The following ATRNL1 variants were observed in gnomAD, a reference collection of about 807,000 sequenced individuals.
ATRNL1 encodes the protein attractin like 1, also known as attractin-like protein 1.
Under a neutral mutation model 182.7 loss-of-function variants are expected in ATRNL1, and 95 were observed. That is an observed-to-expected ratio of 0.52 (90% confidence interval 0.44 to 0.62). The LOEUF is 0.62. Ranked by LOEUF, ATRNL1 falls within the 20% of genes least tolerant of loss-of-function variation. The pLI is 0.00. For missense variants in ATRNL1, 1,471 were observed against 1,679.5 expected, an observed-to-expected ratio of 0.88 and a Z score of 2.17; for synonymous variants, 576 against 568.3, an observed-to-expected ratio of 1.01 and a Z score of -0.19.
chr10:115,551,285 A>G (rs1438507352), intron 26 of ATRNL1, among the ~76,000 whole-genome samples: 1 of 151,692 alleles, frequency 6.6e-6, no homozygotes, highest in Non-Finnish European at 1.5e-5. Flanking sequence ...AATGCTGTTT[A>G]TTACATACTA....
At chr10:115,318,721 T>C (rs1418830053) in intron 18 of ATRNL1, among the ~76,000 whole-genome samples, 1 of 152,174 alleles carries the variant, frequency 6.6e-6, no homozygotes, top group East Asian at 1.9e-4. Flanking sequence ...TATATTTCTG[T>C]GGGGTCAGTG....
chr10:115,748,981 TAG>T (rs1454881536), intron 27 of ATRNL1, among the ~76,000 whole-genome samples: 5 of 151,952 alleles, frequency 3.3e-5, no homozygotes, highest in Non-Finnish European at 7.4e-5. Flanking sequence ...GACATTTTAC[TAG>T]AGTCTATGAT....
chr10:115,411,893 C>G (rs1310757430), intron 20 of ATRNL1, among the ~76,000 whole-genome samples: 4 of 152,066 alleles, frequency 2.6e-5, no homozygotes, highest in Admixed American at 2.0e-4. Context: ...AAAATTCTAT[C>G]TATAACAAAA....
At chr10:115,808,750 C>T (rs892703076) in intron 27 of ATRNL1, among the ~76,000 whole-genome samples, 1 of 152,070 alleles carries the variant, frequency 6.6e-6, no homozygotes, top group Non-Finnish European at 1.5e-5. Flanking sequence ...ATTTGTTTTT[C>T]CATTTCCCTC....
At chr10:115,206,336 C>T (rs1445391645) in intron 8 of ATRNL1, among the ~76,000 whole-genome samples, 4 of 152,012 alleles carry the variant, frequency 2.6e-5, no homozygotes, top group Admixed American at 2.6e-4. Flanking sequence ...GTTCCTGAAT[C>T]TTTAGGACTA....
At chr10:115,235,712 A>T (rs1452055258) in intron 9 of ATRNL1, among the ~76,000 whole-genome samples, 1 of 152,192 alleles carries the variant, frequency 6.6e-6, no homozygotes, top group Non-Finnish European at 1.5e-5. Context: ...TGGAAAGGTT[A>T]ACTTTTATAT....
At chr10:115,351,448 TTTTAAATCA>T (rs1417360180) in intron 19 of ATRNL1, among the ~76,000 whole-genome samples, 1 of 152,132 alleles carries the variant, frequency 6.6e-6, no homozygotes. Flanking sequence ...GAGAGTTTTT[TTTTAAATCA>T]TTAAGGGACG....
intron 26 of ATRNL1, among the ~76,000 whole-genome samples, chr10:115,708,357 C>G (rs1946962567): frequency 6.6e-6 from 1 of 151,524 alleles, no homozygotes. Context: ...AACTTCTTTT[C>G]CCTGAGAAAA....
chr10:115,104,801 TGTTACTTCCCCA>T (rs1319999206), intron 1 of ATRNL1, among the ~76,000 whole-genome samples: 2 of 152,182 alleles, frequency 1.3e-5, no homozygotes, highest in African/African-American at 4.8e-5. Context: ...TTGAGGAGAC[TGTTACTTCCCCA>T]GTGTATGTGC....
At chr10:115,195,690 T>C (rs918283322) in intron 8 of ATRNL1, among the ~76,000 whole-genome samples, 1 of 152,132 alleles carries the variant, frequency 6.6e-6, no homozygotes, top group Non-Finnish European at 1.5e-5. Context: ...TTCTCAGTTA[T>C]TATTTCTTTG....
intron 8 of ATRNL1, among the ~76,000 whole-genome samples, chr10:115,182,977 A>G (rs868944351): frequency 2.6e-5 from 4 of 151,532 alleles, no homozygotes; most frequent in African/African-American, 4.8e-5. Context: ...ATAGCGAACA[A>G]TACAGCCCGA....
At chr10:115,619,046 A>G (rs1455237268) in intron 26 of ATRNL1, among the ~76,000 whole-genome samples, 1 of 152,190 alleles carries the variant, frequency 6.6e-6, no homozygotes, top group Non-Finnish European at 1.5e-5. Flanking sequence ...CTGTGACTGT[A>G]CAGTAAGGTA....
At chr10:115,479,755 G>A (rs782424692) in intron 24 of ATRNL1, among the ~76,000 whole-genome samples, 6 of 151,240 alleles carry the variant, frequency 4.0e-5, no homozygotes, top group Non-Finnish European at 7.4e-5. Context: ...TGTTCTTCAT[G>A]ATTTATAATG....
intron 27 of ATRNL1, among the ~76,000 whole-genome samples, chr10:115,814,324 A>C (rs1182161412): frequency 2.0e-5 from 3 of 152,152 alleles, no homozygotes; most frequent in African/African-American, 7.2e-5. Context: ...TTGCCCCACA[A>C]AATATTTTTA....
chr10:115,549,361 C>G lies in ATRNL1; in HGVS notation c.3717-97C>G, dbSNP rs1250048520. On this transcript the variant is annotated intron_variant, in intron 25 of 28. Transcript: ENST00000355044. ...ATTGTTTACCTAGACAAAGTTATTA[C>G]TTATATATATATGTATTTGAGTCTT... is the stretch of plus-strand genomic sequence containing the variant. 10 of 659,518 alleles carry G rather than the reference C, an allele frequency of 1.5e-5. No individual in the cohort carries two copies. In the East Asian group the frequency reaches 2.0e-4, roughly 13 times the overall value. 40.9% of individuals were successfully genotyped at this position (659,518 alleles called of 1,614,324 possible). A position where few individuals can be genotyped will look rare whatever the true frequency, so the allele number is the denominator to read the frequency against.
chr10:115,174,898 C>T (rs1554886417), intron 8 of ATRNL1, among the ~76,000 whole-genome samples: 2 of 151,818 alleles, frequency 1.3e-5, no homozygotes, highest in African/African-American at 2.4e-5. Context: ...ATTCATGCCC[C>T]AAAGTAGCCT....
rs182873085 is a variant in ATRNL1, at chr10:115,225,248, T to C, written c.1532+9368T>C. Among the ~76,000 whole-genome samples, 155 of 151,814 alleles carry C rather than the reference T, an allele frequency of 1.0e-3. 2 individuals are homozygous for C. Among genetic ancestry groups the C allele is most frequent in the African/African-American group, 3.7e-3 (152 of 41,504 alleles). ...ATCTTGAAAGATGCAGAAAAAAGTA[T>C]AGATAAAATTTATCATGTATTTATG... On this transcript the variant is annotated intron_variant, in intron 9 of 28. Coordinates refer to ENST00000355044, the MANE Select transcript of ATRNL1 (RefSeq NM_207303.4).
At chr10:115,131,286 G>C (rs1845222747) in intron 5 of ATRNL1, among the ~76,000 whole-genome samples, 1 of 151,970 alleles carries the variant, frequency 6.6e-6, no homozygotes, top group Non-Finnish European at 1.5e-5. Flanking sequence ...ATTTTATATG[G>C]AGAATAGTGT....
intron 3 of ATRNL1, among the ~76,000 whole-genome samples, chr10:115,127,024 G>A (rs1197152438): frequency 6.6e-6 from 1 of 152,040 alleles, no homozygotes; most frequent in East Asian, 1.9e-4. Flanking sequence ...AATGCAATTT[G>A]CATAGATATG....
Sources: gnomAD v4.1 joint callset for allele counts (sites outside exome capture counted in the v4.1 genomes callset) on GRCh38, gnomAD v4.1.1 for gene constraint, MANE v1.5 for transcripts, NCBI Gene and HGNC (gene_info 2026-07-23, HGNC 2026-07-21) for gene names.